The following NELL2 variants were observed in gnomAD, a reference collection of about 807,000 sequenced individuals.
NELL2 encodes protein kinase C-binding protein NELL2.
A neutral mutation model predicts 109.6 loss-of-function variants in NELL2; 41 were observed. That is an observed-to-expected ratio of 0.37 (90% CI 0.29 to 0.49). NELL2 has a LOEUF of 0.49. NELL2 is among the 20% of genes least tolerant of loss of function. The probability of loss-of-function intolerance (pLI) is 0.98; values close to 1 mark genes in which losing one functional copy is unlikely to be tolerated. For missense variants in NELL2, 900 were observed against 1,008.3 expected (o/e 0.89, Z 1.45); for synonymous variants, 355 against 344.7 (o/e 1.03, Z -0.33).
At chr12:44,610,742 A>T (rs1418875614) in intron 14 of NELL2, 106 bp downstream of exon 14, 2 of 1,474,474 alleles carry the variant, frequency 1.4e-6, no homozygotes, top group Non-Finnish European at 1.9e-6. Flanking sequence ...TGATGTCTGT[A>T]GGAAGTACCT....
intron 15 of NELL2, among the ~76,000 whole-genome samples, chr12:44,587,237 A>G (rs1162247152): frequency 7.4e-6 from 1 of 134,682 alleles, no homozygotes; most frequent in African/African-American, 2.8e-5. Context: ...GCACCACTGA[A>G]CTCCAGCCTG....
chr12:44,830,093 A>T (rs1445725956), intron 2 of NELL2, among the ~76,000 whole-genome samples: 1 of 152,222 alleles, frequency 6.6e-6, no homozygotes, highest in Non-Finnish European at 1.5e-5. Flanking sequence ...TAAGATTTCT[A>T]TTATATATCC....
intron 1 of NELL2, chr12:44,921,665 G>A (rs2136900516): frequency 6.6e-6 from 1 of 152,260 alleles, no homozygotes; most frequent in East Asian, 1.9e-4. Context: ...TGCTAATGGA[G>A]TTCAAAAGAC....
chr12:44,563,329 A>G (rs1423587643), intron 15 of NELL2, among the ~76,000 whole-genome samples: 1 of 152,204 alleles, frequency 6.6e-6, no homozygotes, highest in Non-Finnish European at 1.5e-5. Context: ...AAAATTAAAA[A>G]AAAAGAATGG....
chr12:44,855,467 A>G (rs1382323721), intron 2 of NELL2, among the ~76,000 whole-genome samples: 3 of 152,204 alleles, frequency 2.0e-5, no homozygotes, highest in African/African-American at 7.2e-5. Context: ...AGAAATTGTC[A>G]CACTGCCACT....
At chr12:44,798,344 TAAC>T (rs1333649689) in intron 3 of NELL2, among the ~76,000 whole-genome samples, 1 of 151,958 alleles carries the variant, frequency 6.6e-6, no homozygotes, top group African/African-American at 2.4e-5. Flanking sequence ...ACTATAGAAT[TAAC>T]AAATGAATTT....
intron 2 of NELL2, among the ~76,000 whole-genome samples, chr12:44,824,365 CCT>C (rs1420174540): frequency 3.3e-5 from 5 of 152,036 alleles, no homozygotes; most frequent in Non-Finnish European, 4.4e-5. Context: ...GAAGTTTTCC[CCT>C]GTTTTCTTCT....
intron 12 of NELL2, among the ~76,000 whole-genome samples, chr12:44,672,986 A>G (rs187904264): frequency 9.9e-4 from 151 of 152,334 alleles, no homozygotes; most frequent in African/African-American, 3.3e-3. Flanking sequence ...GAACTCAATG[A>G]TTTGGATCTC....
At chr12:44,688,409 A>T (rs866153777) in intron 12 of NELL2, among the ~76,000 whole-genome samples, 4 of 152,372 alleles carry the variant, frequency 2.6e-5, no homozygotes, top group South Asian at 4.1e-4. Flanking sequence ...AATACATGTG[A>T]AGTATACAAG....
chr12:44,562,093 T>A, intron 15 of NELL2, among the ~76,000 whole-genome samples: 1 of 152,178 alleles, frequency 6.6e-6, no homozygotes, highest in East Asian at 1.9e-4. Flanking sequence ...TAAATGGTGC[T>A]GGGAAAACTG....
chr12:44,856,622 C>T (rs73279180), intron 2 of NELL2, among the ~76,000 whole-genome samples: 5,912 of 152,090 alleles, frequency 0.039, 240 homozygotes, highest in African/African-American at 0.099. Context: ...AGCCCTGCAG[C>T]AGGAGAGTAC....
chr12:44,519,077 G>A (rs1169015306), intron 19 of NELL2, among the ~76,000 whole-genome samples: 1 of 152,132 alleles, frequency 6.6e-6, no homozygotes, highest in Non-Finnish European at 1.5e-5. Context: ...TTTGTAGTAA[G>A]TGAATCTGAA....
At chr12:44,811,825 T>C (rs1943189198) in intron 3 of NELL2, among the ~76,000 whole-genome samples, 1 of 152,172 alleles carries the variant, frequency 6.6e-6, no homozygotes, top group Non-Finnish European at 1.5e-5. Context: ...ATGTTTATTC[T>C]ATAGCAGAGA....
At chr12:44,711,521 G>T in intron 10 of NELL2, 127 bp from the exon 11 acceptor site, 1 of 641,670 alleles carries the variant, frequency 1.6e-6, no homozygotes, top group East Asian at 2.8e-5. Context: ...CCTCTGCACA[G>T]GTCATGGGCT....
intron 13 of NELL2, 76 bp downstream of exon 13, chr12:44,665,408 A>G: frequency 7.5e-7 from 1 of 1,328,298 alleles, no homozygotes; most frequent in Non-Finnish European, 1.0e-6. Context: ...TTATCAAAAA[A>G]ATGAGAGTCA....
intron 15 of NELL2, among the ~76,000 whole-genome samples, chr12:44,565,843 C>T (rs530665303): frequency 8.2e-4 from 124 of 152,002 alleles, no homozygotes; most frequent in Non-Finnish European, 1.6e-3. Flanking sequence ...GAATGGGAAA[C>T]GAGAGAAGAT....
Position 44,523,374 on chromosome 12 carries a change from C to A in NELL2, c.1915G>T (p.Asp639Tyr). 1 of 1,614,222 alleles carries A rather than the reference C, an allele frequency of 6.2e-7. No homozygotes were observed. The highest frequency in any genetic ancestry group is 2.2e-5 in the East Asian group (1 of 44,882). The part of the protein sequence containing the change: ...RCPHGKNCTG[D>Y]CIHDGKVKHN... ...TTAACTTTTCCATCATGGATGCAGTCCCCTGTGCAATTCTTTCCATGAGGA... is the reference window on the plus strand; with the variant it reads ...TTAACTTTTCCATCATGGATGCAGTACCCTGTGCAATTCTTTCCATGAGGA... Residue 639 changes from aspartate to tyrosine, a missense_variant, in exon 17 of 20, where the codon GAC becomes TAC. Coordinates refer to ENST00000429094, the MANE Select transcript of NELL2 (RefSeq NM_001145108.2).
intron 3 of NELL2, among the ~76,000 whole-genome samples, chr12:44,785,379 G>C (rs1176020871): frequency 2.0e-5 from 3 of 151,986 alleles, no homozygotes; most frequent in African/African-American, 4.8e-5. Context: ...AAATAAGAGA[G>C]GACACAAACA....
At chr12:44,679,759 A>G (rs993847047) in intron 12 of NELL2, among the ~76,000 whole-genome samples, 2 of 152,064 alleles carry the variant, frequency 1.3e-5, no homozygotes, top group Non-Finnish European at 1.5e-5. Flanking sequence ...TTTCCAGAAC[A>G]TGTCTTGCCC....
Sources: allele counts gnomAD v4.1 joint callset (sites outside exome capture counted in the v4.1 genomes callset), GRCh38; gene constraint gnomAD v4.1.1; transcripts MANE v1.5; gene names NCBI Gene and HGNC (gene_info 2026-07-23, HGNC 2026-07-21).